The following PHLPP1 variants were observed in gnomAD, a reference collection of about 807,000 sequenced individuals.
The protein encoded by PHLPP1 is PH domain leucine-rich repeat-containing protein phosphatase 1.
Under a neutral mutation model 117.2 loss-of-function variants are expected in PHLPP1, and 42 were observed. That is an observed-to-expected ratio of 0.36 (90% confidence interval 0.28 to 0.46). The LOEUF (loss-of-function observed/expected upper bound fraction) is 0.46. Among genes scored for constraint, PHLPP1 ranks in the 20% least tolerant of loss-of-function variants. PHLPP1 has a pLI of 1.00. For synonymous variants in PHLPP1, 1,042 were observed against 970.7 expected (o/e 1.07, Z -1.37); for missense variants, 2,084 against 2,241.9 (o/e 0.93, Z 1.42).
chr18:62,770,298 T>C (rs1276676783), intron 1 of PHLPP1, among the ~76,000 whole-genome samples: 2 of 152,120 alleles, frequency 1.3e-5, no homozygotes, highest in Middle Eastern at 3.2e-3. Context: ...TTAGTAGATA[T>C]GGGGTTTCAC....
At chr18:62,872,021 GTAAATA>G (rs1915918044) in intron 4 of PHLPP1, among the ~76,000 whole-genome samples, 4 of 152,152 alleles carry the variant, frequency 2.6e-5, no homozygotes, top group Admixed American at 1.3e-4. Flanking sequence ...CCTAGAGTTT[GTAAATA>G]TAGAGGAGGC....
intron 1 of PHLPP1, among the ~76,000 whole-genome samples, chr18:62,749,788 G>C (rs1911789436): frequency 6.6e-6 from 1 of 152,156 alleles, no homozygotes; most frequent in Admixed American, 6.5e-5. Flanking sequence ...AGCCGAAGCG[G>C]GTGGGTCACT....
chr18:62,815,691 G>A (rs980633185), intron 1 of PHLPP1, among the ~76,000 whole-genome samples: 2 of 152,228 alleles, frequency 1.3e-5, no homozygotes, highest in African/African-American at 4.8e-5. Context: ...AGCTGCTGCT[G>A]TCACTTCTTC....
intron 1 of PHLPP1, among the ~76,000 whole-genome samples, chr18:62,791,335 C>T (rs905653416): frequency 6.6e-6 from 1 of 152,042 alleles, no homozygotes; most frequent in Non-Finnish European, 1.5e-5. Context: ...CACTGTGTAG[C>T]CACATGTTTC....
chr18:62,761,739 A>T (rs915383961), intron 1 of PHLPP1, among the ~76,000 whole-genome samples: 1 of 151,792 alleles, frequency 6.6e-6, no homozygotes, highest in East Asian at 1.9e-4. Flanking sequence ...TTTGAAGTAG[A>T]GGTACTGAAT....
At chr18:62,846,364 A>G (rs967666255) in intron 3 of PHLPP1, among the ~76,000 whole-genome samples, 1 of 152,124 alleles carries the variant, frequency 6.6e-6, no homozygotes, top group Admixed American at 6.5e-5. Context: ...AGTATATGAG[A>G]TATTTGGGTA....
intron 1 of PHLPP1, among the ~76,000 whole-genome samples, chr18:62,739,321 T>C (rs1486630940): frequency 6.6e-6 from 1 of 152,212 alleles, no homozygotes; most frequent in Non-Finnish European, 1.5e-5. Flanking sequence ...ATTATGTTTA[T>C]ATGAAGGTCA....
rs968853010 is a variant in PHLPP1, at chr18:62,951,193, G to C, written c.3324+5922G>C. ...AGACAGGGTTTCACTGTGTTAGCCA[G>C]GATGGTCTCAACCTCCTGACCTCGT... is the stretch of plus-strand genomic sequence containing the variant. On this transcript the variant is annotated intron_variant, in intron 12 of 16. Coordinates refer to ENST00000262719, the MANE Select transcript of PHLPP1 (RefSeq NM_194449.4). 1.8e-4 allele frequency among the ~76,000 whole-genome samples: 27 copies of C among 152,182 alleles called. No homozygotes were observed. In the East Asian group the frequency reaches 5.0e-3, roughly 28 times the overall value.
In PHLPP1 at chr18:62,830,206, A is replaced by G. The variant is rs766753594; in HGVS notation, c.1748A>G (p.His583Arg). The change falls in exon 2 of 17, where the codon CAT (histidine) becomes CGT (arginine). Residue 583 changes from histidine to arginine, a missense_variant. Transcript: ENST00000262719. ...AAAGACAGCTTGACCGGAAAGATGC[A>G]TGTTCTGCCACTAATTGGTGGAAAA... Reference protein sequence around the residue: ...SVKDSLTGKMHVLPLIGGKVE... With the variant: ...SVKDSLTGKMRVLPLIGGKVE... The G allele has an allele frequency of 6.4e-7, 1 of 1,563,830 alleles. No homozygotes were observed. Among genetic ancestry groups the G allele is most frequent in the South Asian group, 1.2e-5 (1 of 85,194 alleles).
chr18:62,930,325 C>T (rs1040275687), intron 10 of PHLPP1, among the ~76,000 whole-genome samples: 2 of 152,132 alleles, frequency 1.3e-5, no homozygotes, highest in African/African-American at 4.8e-5. Context: ...CTTCTATTGC[C>T]TTCAAGAGAC....
At chr18:62,791,700 CA>C (rs1279747796) in intron 1 of PHLPP1, among the ~76,000 whole-genome samples, 8 of 152,160 alleles carry the variant, frequency 5.3e-5, no homozygotes. Flanking sequence ...ATGTCATTGA[CA>C]TTTTTTTGAG....
At chr18:62,958,543 T>C in intron 12 of PHLPP1, 86 bp from the exon 13 acceptor site, 3 of 1,318,876 alleles carry the variant, frequency 2.3e-6, no homozygotes, top group Non-Finnish European at 3.2e-6. Flanking sequence ...GTCAGACTGA[T>C]TTGCATGCAA....
At chr18:62,755,786 T>C (rs1911997561) in intron 1 of PHLPP1, among the ~76,000 whole-genome samples, 1 of 152,196 alleles carries the variant, frequency 6.6e-6, no homozygotes, top group Non-Finnish European at 1.5e-5. Flanking sequence ...CTTTATTTTG[T>C]GCTGGTAAGA....
chr18:62,801,618 A>G (rs1913788456), intron 1 of PHLPP1, among the ~76,000 whole-genome samples: 1 of 150,482 alleles, frequency 6.6e-6, no homozygotes, highest in Admixed American at 6.6e-5. Flanking sequence ...ATGCCCGGCT[A>G]ATTTTTGTAT....
intron 1 of PHLPP1, among the ~76,000 whole-genome samples, chr18:62,811,028 A>G (rs1045623452): frequency 1.3e-5 from 2 of 152,234 alleles, no homozygotes; most frequent in Non-Finnish European, 2.9e-5. Flanking sequence ...ACATGGAGAT[A>G]TAGAGAAAAA....
intron 3 of PHLPP1, among the ~76,000 whole-genome samples, chr18:62,858,169 A>G (rs1382682963): frequency 6.6e-6 from 1 of 152,150 alleles, no homozygotes. Context: ...CTTTAGAGAT[A>G]AGTCCTGCCC....
chr18:62,945,097 C>A lies in PHLPP1; in HGVS notation c.3162-12C>A. ...ATTTTCTTTTAAATTGCTTTATTTT[C>A]TCTTTTTTTAGTAAAATGGCGAAAC... On this transcript the variant is annotated splice_polypyrimidine_tract_variant and intron_variant, in intron 11 of 16. Coordinates refer to ENST00000262719, the MANE Select transcript of PHLPP1 (RefSeq NM_194449.4). 6.4e-7 allele frequency: 1 copy of A among 1,551,942 alleles called. No homozygotes were observed. The highest frequency in any genetic ancestry group is 8.7e-7 in the Non-Finnish European group (1 of 1,151,086).
intron 13 of PHLPP1, among the ~76,000 whole-genome samples, chr18:62,960,519 C>G (rs1011244001): frequency 6.6e-6 from 1 of 151,984 alleles, no homozygotes; most frequent in Admixed American, 6.6e-5. Context: ...AAAATAAAAG[C>G]ATTAATATGC....
At chr18:62,897,146 A>G (rs936150415) in intron 6 of PHLPP1, among the ~76,000 whole-genome samples, 4 of 152,204 alleles carry the variant, frequency 2.6e-5, no homozygotes, top group African/African-American at 7.2e-5. Flanking sequence ...GCCAAGGACA[A>G]TGGCTTGCAC....
Sources: allele counts gnomAD v4.1 joint callset (sites outside exome capture counted in the v4.1 genomes callset), GRCh38; gene constraint gnomAD v4.1.1; transcripts MANE v1.5; gene names NCBI Gene and HGNC (gene_info 2026-07-23, HGNC 2026-07-21).